TANGO6: variants seen among roughly 807,000 people sequenced by gnomAD.
TANGO6 encodes transport and Golgi organization protein 6 homolog.
In TANGO6, 90 loss-of-function variants were observed where a neutral mutation model predicts 114.2. That is an observed-to-expected ratio of 0.79 (90% CI 0.66 to 0.94). The LOEUF is 0.94. TANGO6 is among the 40% of genes least tolerant of loss of function. The pLI, the probability that TANGO6 is intolerant of heterozygous loss-of-function variation, is 0.00. For synonymous variants in TANGO6, 477 were observed against 509.8 expected (o/e 0.94, Z 0.87); for missense variants, 1,274 against 1,315.3 (o/e 0.97, Z 0.49).
chr16:69,065,277 C>T (rs1340633996), intron 17 of TANGO6, among the ~76,000 whole-genome samples: 1 of 152,210 alleles, frequency 6.6e-6, no homozygotes, highest in African/African-American at 2.4e-5. Flanking sequence ...CATGCCTCAG[C>T]ATAAGCCAGC....
rs376247557 is a variant in TANGO6 at position 69,013,815 on chromosome 16, C to T, written c.2843-9013C>T. The stretch of plus-strand genomic sequence containing the variant: ...ACGACCACAGGCATGTGCCACCATG[C>T]CTAGCTAATTTTTTATATTTTTAGT... On this transcript the variant is annotated intron_variant, in intron 15 of 17. Transcript: ENST00000261778. 5.9e-5 allele frequency among the ~76,000 whole-genome samples: 9 copies of T among 152,024 alleles called. 1 individual carries two copies. The highest frequency in any genetic ancestry group is 1.9e-4 in the African/African-American group (8 of 41,474).
At chr16:69,024,203 C>CA (rs1369893292) in intron 16 of TANGO6, among the ~76,000 whole-genome samples, 3 of 151,804 alleles carry the variant, frequency 2.0e-5, no homozygotes, top group African/African-American at 7.3e-5. Flanking sequence ...CACCTGAACT[C>CA]AGAGTTTATT....
intron 4 of TANGO6, among the ~76,000 whole-genome samples, chr16:68,868,174 A>G (rs116648666): frequency 0.022 from 3,302 of 151,878 alleles, 127 homozygotes; most frequent in African/African-American, 0.076. Flanking sequence ...TAAATGTAAA[A>G]TAATTTTCTT....
intron 16 of TANGO6, among the ~76,000 whole-genome samples, chr16:69,023,799 G>A (rs1018432383): frequency 6.6e-6 from 1 of 152,284 alleles, no homozygotes; most frequent in African/African-American, 2.4e-5. Context: ...TGCCTGGTAT[G>A]TAGTAGGTAA....
chr16:68,995,614 A>G (rs1019532309), intron 15 of TANGO6, among the ~76,000 whole-genome samples: 18 of 152,236 alleles, frequency 1.2e-4, no homozygotes, highest in African/African-American at 3.9e-4. Flanking sequence ...TCTCCAGACT[A>G]GAATGAATAG....
At chr16:68,855,881 C>CA (rs749736878) in intron 1 of TANGO6, among the ~76,000 whole-genome samples, 1,111 of 87,432 alleles carry the variant, frequency 0.013, 6 homozygotes, top group African/African-American at 0.035. Flanking sequence ...GACTCAGTCT[C>CA]AAAAAAAAAA....
At chr16:68,965,691 C>T (rs1157574220) in intron 14 of TANGO6, among the ~76,000 whole-genome samples, 2 of 151,470 alleles carry the variant, frequency 1.3e-5, no homozygotes, top group Non-Finnish European at 2.9e-5. Flanking sequence ...ATCCCAGCTA[C>T]TCTGGAGGCT....
At chr16:69,031,408 A>G (rs1959590644) in intron 16 of TANGO6, among the ~76,000 whole-genome samples, 1 of 152,004 alleles carries the variant, frequency 6.6e-6, no homozygotes, top group Admixed American at 6.6e-5. Context: ...TTTCAATAAT[A>G]GTCATAGCAA....
chr16:68,874,415 C>T (rs559075193), intron 4 of TANGO6, among the ~76,000 whole-genome samples: 1 of 152,298 alleles, frequency 6.6e-6, no homozygotes, highest in African/African-American at 2.4e-5. Flanking sequence ...TGTCCACTGT[C>T]TGGAAACCAT....
chr16:69,021,217 T>A (rs1959400041), intron 15 of TANGO6, among the ~76,000 whole-genome samples: 1 of 152,130 alleles, frequency 6.6e-6, no homozygotes, highest in Admixed American at 6.6e-5. Flanking sequence ...ATCCCTGCCC[T>A]TACTTCTCTA....
intron 7 of TANGO6, among the ~76,000 whole-genome samples, chr16:68,883,188 C>T (rs1303761254): frequency 6.6e-6 from 1 of 152,004 alleles, no homozygotes; most frequent in Non-Finnish European, 1.5e-5. Context: ...CAGAGCAAGA[C>T]TCTGCCTCAA....
At chr16:69,041,368 C>G (rs895940914) in intron 17 of TANGO6, among the ~76,000 whole-genome samples, 1 of 151,890 alleles carries the variant, frequency 6.6e-6, no homozygotes, top group African/African-American at 2.4e-5. Context: ...ATTGCTTGAA[C>G]CCGGGAGGCG....
At chr16:68,977,255 T>G (rs1963773421) in intron 15 of TANGO6, among the ~76,000 whole-genome samples, 1 of 152,154 alleles carries the variant, frequency 6.6e-6, no homozygotes, top group Admixed American at 6.5e-5. Context: ...TCCAACCACT[T>G]AAATCCTTGT....
At chr16:68,907,869 G>A (rs906690081) in intron 10 of TANGO6, among the ~76,000 whole-genome samples, 3 of 152,168 alleles carry the variant, frequency 2.0e-5, no homozygotes, top group Admixed American at 1.3e-4. Context: ...TCTTTGCTCT[G>A]TGTTGACAGT....
In TANGO6 at chr16:68,875,283, G is replaced by A; in HGVS notation, c.1124G>A (p.Cys375Tyr). ...CCAGAGAATTACTACAGGGACATCT[G>A]CCCCCAGGTAAATCTTTTTGTTTCT... ...LSPENYYRDICPQVLDLFHFQ... is the reference protein window; with the variant it reads ...LSPENYYRDIYPQVLDLFHFQ... The change falls in exon 5 of 18, where the codon TGC becomes TAC. Residue 375 changes from cysteine (C) to tyrosine (Y), a missense_variant. Around this residue, in one of 5 missense-constraint regions of TANGO6, gnomAD observed 908 missense variants for 910.2 expected, o/e 1.00. Coordinates refer to ENST00000261778, the MANE Select transcript of TANGO6 (RefSeq NM_024562.2). The A allele has an allele frequency of 6.2e-7, 1 of 1,612,324 alleles. No homozygotes were observed. The highest frequency in any genetic ancestry group is 8.5e-7 in the Non-Finnish European group (1 of 1,178,888).
chr16:68,980,371 A>G (rs16958528), intron 15 of TANGO6, among the ~76,000 whole-genome samples: 2 of 98,134 alleles, frequency 2.0e-5, no homozygotes, highest in Admixed American at 1.1e-4. Flanking sequence ...GTATGAATCT[A>G]TCTGTCTGTC....
intron 7 of TANGO6, among the ~76,000 whole-genome samples, chr16:68,893,626 C>T (rs920416594): frequency 4.0e-5 from 6 of 151,750 alleles, no homozygotes; most frequent in African/African-American, 1.4e-4. Context: ...ATCCCACCTA[C>T]TTGGGAGGCT....
At chr16:68,984,382 CTAAG>C (rs958065253) in intron 15 of TANGO6, among the ~76,000 whole-genome samples, 1 of 152,166 alleles carries the variant, frequency 6.6e-6, no homozygotes, top group Non-Finnish European at 1.5e-5. Context: ...GAAATCCAGA[CTAAG>C]TAACTATTTT....
intron 15 of TANGO6, among the ~76,000 whole-genome samples, chr16:68,987,995 G>A (rs970458350): frequency 6.6e-6 from 1 of 151,840 alleles, no homozygotes; most frequent in Non-Finnish European, 1.5e-5. Flanking sequence ...TTTTTAATTG[G>A]GCTAATTATC....
Sources: allele counts gnomAD v4.1 joint callset (sites outside exome capture counted in the v4.1 genomes callset), GRCh38; gene constraint gnomAD v4.1.1; regional missense constraint gnomAD v4.1.1; transcripts MANE v1.5; gene names NCBI Gene and HGNC (gene_info 2026-07-23, HGNC 2026-07-21).